Variants in FBXL7 observed in about 807,000 individuals in gnomAD.
FBXL7 encodes F-box/LRR-repeat protein 7.
FBXL7 carries 12 observed loss-of-function variants against 38.3 expected under a neutral mutation model. The observed-to-expected ratio is 0.31, with a 90% confidence interval of 0.20 to 0.51. FBXL7 has a LOEUF of 0.51. FBXL7 is among the 20% of genes least tolerant of loss of function. The pLI, the probability that FBXL7 is intolerant of heterozygous loss-of-function variation, is 0.98. For missense variants in FBXL7, 567 were observed against 676.4 expected, an observed-to-expected ratio of 0.84 and a Z score of 1.79; for synonymous variants, 297 against 300.9, an observed-to-expected ratio of 0.99 and a Z score of 0.13.
chr5:15,890,056 T>G (rs1362118468), intron 2 of FBXL7, among the ~76,000 whole-genome samples: 2 of 152,048 alleles, frequency 1.3e-5, no homozygotes, highest in Non-Finnish European at 2.9e-5. Flanking sequence ...TCATTTCAAA[T>G]GAAGAGCAGA....
chr5:15,510,373 G>A (rs78230678), intron 1 of FBXL7, among the ~76,000 whole-genome samples: 113 of 152,274 alleles, frequency 7.4e-4, no homozygotes, highest in African/African-American at 2.6e-3. Flanking sequence ...TTGGCAAGGT[G>A]GAGAAGTCAG....
At chr5:15,670,455 A>G (rs1208847722) in intron 2 of FBXL7, among the ~76,000 whole-genome samples, 4 of 152,192 alleles carry the variant, frequency 2.6e-5, no homozygotes, top group African/African-American at 9.7e-5. Context: ...GTCAGGGGAC[A>G]TAATACATAG....
intron 2 of FBXL7, among the ~76,000 whole-genome samples, chr5:15,741,632 A>G (rs767435521): frequency 2.0e-4 from 31 of 152,210 alleles, no homozygotes; most frequent in African/African-American, 2.4e-5. Context: ...TTTAAACCAC[A>G]TCTGGTTTGT....
chr5:15,564,533 G>A (rs778022696), intron 1 of FBXL7, among the ~76,000 whole-genome samples: 1 of 151,818 alleles, frequency 6.6e-6, no homozygotes. Flanking sequence ...AGATATACAC[G>A]CCCAATATTA....
intron 2 of FBXL7, among the ~76,000 whole-genome samples, chr5:15,820,145 C>A (rs1241758004): frequency 1.3e-5 from 2 of 152,164 alleles, no homozygotes; most frequent in Admixed American, 1.3e-4. Context: ...ATTAGAAGCT[C>A]CTTTCCCATG....
At chr5:15,832,806 T>G (rs1471488105) in intron 2 of FBXL7, among the ~76,000 whole-genome samples, 1 of 152,134 alleles carries the variant, frequency 6.6e-6, no homozygotes, top group Admixed American at 6.5e-5. Flanking sequence ...TACCATAAAC[T>G]AGGTGGCTTT....
intron 3 of FBXL7, among the ~76,000 whole-genome samples, chr5:15,932,536 T>C (rs1031936202): frequency 4.6e-5 from 7 of 152,194 alleles, no homozygotes; most frequent in African/African-American, 1.4e-4. Context: ...TTATATACCT[T>C]ACCCTAGATG....
At chr5:15,767,385 C>T (rs1736619399) in intron 2 of FBXL7, among the ~76,000 whole-genome samples, 2 of 152,190 alleles carry the variant, frequency 1.3e-5, no homozygotes, top group African/African-American at 4.8e-5. Context: ...AGACTGGGCT[C>T]ATATTTGCTA....
intron 2 of FBXL7, among the ~76,000 whole-genome samples, chr5:15,897,414 T>C (rs1741130104): frequency 6.6e-6 from 1 of 152,226 alleles, no homozygotes; most frequent in Non-Finnish European, 1.5e-5. Flanking sequence ...CATCAGGGCA[T>C]GCATGATCAT....
intron 2 of FBXL7, among the ~76,000 whole-genome samples, chr5:15,926,885 A>C (rs1741889558): frequency 6.6e-6 from 1 of 152,110 alleles, no homozygotes; most frequent in South Asian, 2.1e-4. Flanking sequence ...CCAAGGCAGC[A>C]GGTGTCCTCT....
chr5:15,632,980 T>G (rs780117778), intron 2 of FBXL7, among the ~76,000 whole-genome samples: 1 of 152,172 alleles, frequency 6.6e-6, no homozygotes, highest in Non-Finnish European at 1.5e-5. Context: ...CCTACACATG[T>G]ACCCCCTGAA....
In FBXL7 at chr5:15,936,371, G is replaced by C; in HGVS notation, c.740-79G>C. 1 of 1,526,844 alleles carries C rather than the reference G, an allele frequency of 6.5e-7. No homozygotes were observed. Among genetic ancestry groups the C allele is most frequent in the Non-Finnish European group, 8.8e-7 (1 of 1,135,026 alleles). 94.6% of individuals were successfully genotyped at this position (1,526,844 alleles called of 1,614,324 possible). On this transcript the variant is annotated intron_variant, in intron 3 of 3. Coordinates refer to ENST00000504595, the MANE Select transcript of FBXL7 (RefSeq NM_012304.5). This position sits in a 1 kb window ranked among gnomAD's most constrained non-coding sequence, Gnocchi z 6.0. ...CGGACCCAGACTTGGGCGAGGGTCA[G>C]GAATGCCCCAGGGCATCCCCAGGCG...
In FBXL7 at chr5:15,937,290, T is replaced by C; in HGVS notation, c.*104T>C. ...CCGACACCCACTCAAAACAGCTCTTTCTTCCGGGAAGGTTATTAGGAATCT... is the reference window on the plus strand; with the variant it reads ...CCGACACCCACTCAAAACAGCTCTTCCTTCCGGGAAGGTTATTAGGAATCT... On this transcript the variant is annotated 3_prime_UTR_variant, in exon 4 of 4. Coordinates refer to ENST00000504595, the MANE Select transcript of FBXL7 (RefSeq NM_012304.5). 7.5e-7 allele frequency: 1 copy of C among 1,332,162 alleles called. No individual in the cohort carries two copies. Among genetic ancestry groups the C allele is most frequent in the Non-Finnish European group, 9.9e-7 (1 of 1,007,086 alleles). 82.5% of individuals were successfully genotyped at this position (1,332,162 alleles called of 1,614,324 possible).
intron 2 of FBXL7, among the ~76,000 whole-genome samples, chr5:15,813,540 C>G (rs1737926024): frequency 6.6e-6 from 1 of 152,122 alleles, no homozygotes; most frequent in South Asian, 2.1e-4. Context: ...TCTAAAACAC[C>G]AAAAGCAATG....
In FBXL7 at chr5:15,928,716, T is replaced by A. The variant is rs555175395; in HGVS notation, c.739+215T>A. ...TTCATCAAATAATGTCCACTTCTTT[T>A]TTTTTTATTATTATACTTTAAGTTT... is the stretch of plus-strand genomic sequence containing the variant. On this transcript the variant is annotated intron_variant, in intron 3 of 3. Coordinates refer to ENST00000504595, the MANE Select transcript of FBXL7 (RefSeq NM_012304.5). This position sits in a 1 kb window ranked among gnomAD's most constrained non-coding sequence, Gnocchi z 4.0. 6.6e-6 allele frequency among the ~76,000 whole-genome samples: 1 copy of A among 152,330 alleles called. No homozygotes were observed. Among genetic ancestry groups the A allele is most frequent in the African/African-American group, 2.4e-5 (1 of 41,580 alleles).
intron 2 of FBXL7, among the ~76,000 whole-genome samples, chr5:15,861,885 A>G (rs2126808630): frequency 6.6e-6 from 1 of 152,306 alleles, no homozygotes; most frequent in African/African-American, 2.4e-5. Context: ...GGTTGCAGTA[A>G]TCTTCTACAA....
intron 2 of FBXL7, among the ~76,000 whole-genome samples, chr5:15,770,996 T>G (rs1736714756): frequency 6.6e-6 from 1 of 152,200 alleles, no homozygotes; most frequent in African/African-American, 2.4e-5. Context: ...AGTTAAACCT[T>G]TTAACGGAAT....
chr5:15,791,803 C>A (rs1030576044), intron 2 of FBXL7, among the ~76,000 whole-genome samples: 4 of 152,068 alleles, frequency 2.6e-5, no homozygotes, highest in Non-Finnish European at 5.9e-5. Flanking sequence ...GCTGGGCTGC[C>A]CGTTACTCAG....
chr5:15,607,909 G>C (rs369796081), intron 1 of FBXL7, among the ~76,000 whole-genome samples: 1 of 152,162 alleles, frequency 6.6e-6, no homozygotes, highest in Non-Finnish European at 1.5e-5. Flanking sequence ...GCCCACTTGC[G>C]AGGAAATTAA....
Sources: allele counts gnomAD v4.1 joint callset (sites outside exome capture counted in the v4.1 genomes callset), GRCh38; gene constraint gnomAD v4.1.1; non-coding constraint Gnocchi (gnomAD v3.1); transcripts MANE v1.5; gene names NCBI Gene and HGNC (gene_info 2026-07-23, HGNC 2026-07-21).